Variants in POP1 observed in about 807,000 individuals in gnomAD.
POP1 encodes the protein ribonucleases P/MRP protein subunit POP1.
Under a neutral mutation model 102.2 loss-of-function variants are expected in POP1, and 75 were observed. The ratio of observed to expected loss-of-function variants is 0.73; its 90% CI spans 0.61 to 0.89. The LOEUF (loss-of-function observed/expected upper bound fraction) is 0.89, where lower values mean the gene tolerates loss of function less well. Among genes scored for constraint, POP1 ranks in the 40% least tolerant of loss-of-function variants. POP1 has a pLI of 0.00. For missense variants in POP1, 1,116 were observed against 1,267.4 expected, an observed-to-expected ratio of 0.88 and a Z score of 1.81; for synonymous variants, 436 against 464.1, an observed-to-expected ratio of 0.94 and a Z score of 0.78.
At chr8:98,155,283 T>C (rs943707150) in intron 14 of POP1, among the ~76,000 whole-genome samples, 6 of 152,226 alleles carry the variant, frequency 3.9e-5, no homozygotes, top group African/African-American at 1.4e-4. Flanking sequence ...ATTATTATTA[T>C]TTTATTTTTT....
chr8:98,143,924 CG>C (rs1184311069), intron 11 of POP1, among the ~76,000 whole-genome samples: 5 of 151,864 alleles, frequency 3.3e-5, no homozygotes, highest in Non-Finnish European at 7.4e-5. Context: ...GAGGCCAAGG[CG>C]GGCAGATCAC....
chr8:98,138,723 A>C (rs1816618995), intron 9 of POP1, among the ~76,000 whole-genome samples: 1 of 152,104 alleles, frequency 6.6e-6, no homozygotes, highest in South Asian at 2.1e-4. Context: ...GGTGCCCCGT[A>C]GTAGCTAATA....
intron 1 of POP1, among the ~76,000 whole-genome samples, chr8:98,121,684 ATTT>A (rs35137527): frequency 3.7e-5 from 5 of 136,384 alleles, no homozygotes; most frequent in Admixed American, 7.3e-5. Context: ...CACCCAACTA[ATTT>A]TTTTTTTTTT....
chr8:98,148,555 T>C (rs942644318), intron 12 of POP1, among the ~76,000 whole-genome samples: 5 of 152,218 alleles, frequency 3.3e-5, no homozygotes, highest in African/African-American at 1.2e-4. Context: ...TTAATCTTGA[T>C]ATAAGAGATC....
At position 98,158,610 on chromosome 8, in the gene POP1, A is replaced by G. The variant is rs1435652233; in HGVS notation, c.*339A>G. On this transcript the variant is annotated 3_prime_UTR_variant, in exon 16 of 16. Transcript: ENST00000401707. ...TAGAAACAAAGGGCTTGTCAGGTCT[A>G]TTTGAAAAACCTCATAGTCATGTGA... The G allele has an allele frequency of 1.8e-5, 5 of 271,716 alleles. No individual in the cohort carries two copies. The highest frequency in any genetic ancestry group is 8.4e-5 in the South Asian group (2 of 23,936). 16.8% of individuals were successfully genotyped at this position (271,716 alleles called of 1,614,324 possible). A position where few individuals can be genotyped will look rare whatever the true frequency, so the allele number is the denominator to read the frequency against.
At chr8:98,151,262 T>C (rs1809506417) in intron 14 of POP1, among the ~76,000 whole-genome samples, 1 of 152,162 alleles carries the variant, frequency 6.6e-6, no homozygotes, top group Admixed American at 6.5e-5. Flanking sequence ...CTGTATTTTC[T>C]GTAGAGACGG....
intron 5 of POP1, among the ~76,000 whole-genome samples, chr8:98,132,677 G>A (rs982473205): frequency 1.3e-5 from 2 of 152,100 alleles, no homozygotes; most frequent in Non-Finnish European, 2.9e-5. Flanking sequence ...TGTCAGATAA[G>A]ATAACCATAC....
Position 98,148,974 on chromosome 8 carries a change from A to G in POP1, c.1870A>G (p.Lys624Glu), listed in dbSNP as rs1174375398. The part of the protein sequence containing the change: ...WGSGWDVLLP[K>E]GWGMAFWIPF... ...AAGTGGCTGGGATGTCCTACTCCCA[A>G]AGGGCTGGGGCATGGCTTTCTGGAT... is the stretch of plus-strand genomic sequence containing the variant. The change falls in exon 13 of 16, where the codon AAG (lysine) becomes GAG (glutamate). Residue 624 changes from lysine (K) to glutamate (E), a missense_variant. Coordinates refer to ENST00000401707, the MANE Select transcript of POP1 (RefSeq NM_001145860.2). 1 of 1,613,530 alleles carries G rather than the reference A, an allele frequency of 6.2e-7. No individual in the cohort carries two copies. The highest frequency in any genetic ancestry group is 1.3e-5 in the African/African-American group (1 of 74,928).
chr8:98,144,141 T>G (rs1816781097), intron 11 of POP1, among the ~76,000 whole-genome samples: 2 of 151,494 alleles, frequency 1.3e-5, no homozygotes, highest in Admixed American at 6.6e-5. Flanking sequence ...GGGCAACAGT[T>G]GAGCAAGACT....
intron 1 of POP1, among the ~76,000 whole-genome samples, chr8:98,121,849 A>AT (rs1365983875): frequency 1.3e-5 from 2 of 151,320 alleles, no homozygotes; most frequent in African/African-American, 4.9e-5. Context: ...TGCCTGGCTA[A>AT]TTTTTTTGTA....
intron 11 of POP1, among the ~76,000 whole-genome samples, chr8:98,144,517 C>T (rs1434270007): frequency 6.6e-6 from 1 of 152,106 alleles, no homozygotes; most frequent in Non-Finnish European, 1.5e-5. Context: ...TCAAGTGATC[C>T]TCCCATCTCA....
intron 11 of POP1, among the ~76,000 whole-genome samples, chr8:98,145,730 A>G (rs1450934947): frequency 6.6e-6 from 1 of 152,096 alleles, no homozygotes; most frequent in Non-Finnish European, 1.5e-5. Context: ...ACACGGTGAA[A>G]TACTGTCTCT....
At chr8:98,137,951 T>C (rs1411409231) in intron 9 of POP1, among the ~76,000 whole-genome samples, 1 of 152,194 alleles carries the variant, frequency 6.6e-6, no homozygotes, top group African/African-American at 2.4e-5. Flanking sequence ...CTTGACGTGG[T>C]CAAATACGAT....
chr8:98,156,201 G>T lies in POP1; in HGVS notation c.2209G>T (p.Asp737Tyr). The part of the protein sequence containing the change: ...VASSPNGKES[D>Y]LRRSEVPCAP... ...TTCATCTCCAAATGGTAAGGAGAGT[G>T]ACCTAAGAAGATCTGAGGTGCCTTG... The change falls in exon 15 of 16, where the codon GAC becomes TAC. Residue 737 changes from aspartate (D) to tyrosine (Y), a missense_variant. Coordinates refer to ENST00000401707, the MANE Select transcript of POP1 (RefSeq NM_001145860.2). 2 of 1,614,066 alleles carry T rather than the reference G, an allele frequency of 1.2e-6. No individual in the cohort carries two copies. Among genetic ancestry groups the T allele is most frequent in the South Asian group, 2.2e-5 (2 of 91,044 alleles).
intron 14 of POP1, among the ~76,000 whole-genome samples, chr8:98,154,176 A>G (rs372810202): frequency 6.6e-5 from 10 of 152,340 alleles, no homozygotes; most frequent in South Asian, 2.1e-4. Context: ...GAGGGCACCT[A>G]CTTGAGATTT....
chr8:98,137,547 C>A (rs1447428238), intron 9 of POP1, among the ~76,000 whole-genome samples: 1 of 152,102 alleles, frequency 6.6e-6, no homozygotes, highest in East Asian at 1.9e-4. Context: ...CTTGGCCTCC[C>A]AAAATGCTGG....
chr8:98,123,191 G>C, intron 1 of POP1, 145 bp from the exon 2 acceptor site: 1 of 859,236 alleles, frequency 1.2e-6, no homozygotes, highest in Non-Finnish European at 1.7e-6. Flanking sequence ...TTAATTATTT[G>C]ACAGTGCAAA....
At chr8:98,152,107 C>T (rs1299786556) in intron 14 of POP1, among the ~76,000 whole-genome samples, 2 of 152,136 alleles carry the variant, frequency 1.3e-5, no homozygotes, top group African/African-American at 4.8e-5. Context: ...GGATTGCTAC[C>T]TTACCAGCTC....
rs145259462 is a variant in POP1 at position 98,121,405 on chromosome 8, G to C, written c.-2-1931G>C. 2.1e-4 allele frequency among the ~76,000 whole-genome samples: 32 copies of C among 152,126 alleles called. No homozygotes were observed. The East Asian group carries it at 4.2e-3, about 20-fold the overall frequency. On this transcript the variant is annotated intron_variant, in intron 1 of 15. Coordinates refer to ENST00000401707, the MANE Select transcript of POP1 (RefSeq NM_001145860.2). ...TGGTTGGCATAATTGGGCTAACATTGCTGGCATTTATTGGGCAGGGACCAG... is the reference window on the plus strand; with the variant it reads ...TGGTTGGCATAATTGGGCTAACATTCCTGGCATTTATTGGGCAGGGACCAG...
Sources: gnomAD v4.1 joint callset for allele counts (sites outside exome capture counted in the v4.1 genomes callset) on GRCh38, gnomAD v4.1.1 for gene constraint, MANE v1.5 for transcripts, NCBI Gene and HGNC (gene_info 2026-07-23, HGNC 2026-07-21) for gene names.